The following UNK variants were observed in gnomAD, a reference collection of about 807,000 sequenced individuals.
UNK encodes RING finger protein unkempt homolog.
UNK carries 32 observed loss-of-function variants against 97.6 expected under a neutral mutation model. The ratio of observed to expected loss-of-function variants is 0.33; its 90% CI spans 0.25 to 0.44. The LOEUF is 0.44. Ranked by LOEUF, UNK falls within the 20% of genes least tolerant of loss-of-function variation. The probability of loss-of-function intolerance (pLI) is 1.00; values close to 1 mark genes in which losing one functional copy is unlikely to be tolerated. For synonymous variants in UNK, 441 were observed against 461.2 expected (o/e 0.96, Z 0.56); for missense variants, 771 against 1,098.4 (o/e 0.70, Z 4.21).
At chr17:75,798,096 G>A (rs767143022) in intron 1 of UNK, among the ~76,000 whole-genome samples, 49 of 143,136 alleles carry the variant, frequency 3.4e-4, no homozygotes, top group Non-Finnish European at 6.0e-4. Flanking sequence ...TTAAGACAGA[G>A]TCTTGCTCTT....
chr17:75,787,151 A>G (rs2061719859), intron 1 of UNK, among the ~76,000 whole-genome samples: 1 of 152,144 alleles, frequency 6.6e-6, no homozygotes. Context: ...TAGTCCTCCT[A>G]GGGCTGAGGT....
intron 13 of UNK, 120 bp downstream of exon 13, chr17:75,820,228 G>A: frequency 9.6e-7 from 1 of 1,037,520 alleles, no homozygotes; most frequent in Non-Finnish European, 1.4e-6. Context: ...CAGAGGCCTT[G>A]GGCGAGGAGG....
intron 1 of UNK, among the ~76,000 whole-genome samples, chr17:75,798,351 G>C (rs915191608): frequency 1.3e-5 from 2 of 152,034 alleles, no homozygotes; most frequent in Non-Finnish European, 2.9e-5. Context: ...TTACAGGCAA[G>C]AGCCACCACG....
At chr17:75,814,896 G>A (rs1453843355) in intron 6 of UNK, among the ~76,000 whole-genome samples, 7 of 152,182 alleles carry the variant, frequency 4.6e-5, no homozygotes, top group Non-Finnish European at 1.0e-4. Context: ...GGCCATGCCC[G>A]TGAGTGGAGA....
At chr17:75,793,603 A>G in intron 1 of UNK, 1 of 985,418 alleles carries the variant, frequency 1.0e-6, no homozygotes. Flanking sequence ...GGCCTGTGAC[A>G]GCCTGTGACA....
chr17:75,786,582 C>A (rs2061713299), intron 1 of UNK, among the ~76,000 whole-genome samples: 1 of 152,108 alleles, frequency 6.6e-6, no homozygotes, highest in Non-Finnish European at 1.5e-5. Flanking sequence ...TCCTGCCGGG[C>A]GTGGTAGCTC....
rs774135331 is a variant in UNK, at chr17:75,822,671, GT to G, written c.2019+14del. ...GCAGGCCAAGCAGGTACCAGGCCCC[GT>G]GCCTGCCGGCCTTCCCCAGTGCCAG... On this transcript the variant is annotated intron_variant, in intron 14 of 15. Coordinates refer to ENST00000589666, the MANE Select transcript of UNK (RefSeq NM_001080419.3). 6.3e-7 allele frequency: 1 copy of G among 1,582,474 alleles called. No homozygotes were observed. The highest frequency in any genetic ancestry group is 8.6e-7 in the Non-Finnish European group (1 of 1,161,620).
chr17:75,804,037 C>G (rs967982003), intron 1 of UNK, among the ~76,000 whole-genome samples: 1 of 152,226 alleles, frequency 6.6e-6, no homozygotes, highest in African/African-American at 2.4e-5. Flanking sequence ...TGTATACTTC[C>G]TGTGCTGGCA....
chr17:75,815,146 C>G (rs1473278525), intron 6 of UNK, 23 bp from the exon 7 acceptor site: 1 of 1,607,990 alleles, frequency 6.2e-7, no homozygotes, highest in Non-Finnish European at 8.5e-7. Flanking sequence ...CTGAGCCTGA[C>G]TTGCCTGTGC....
In UNK at chr17:75,817,789, C is replaced by T. The variant is rs932176058; in HGVS notation, c.1305+263C>T. On this transcript the variant is annotated intron_variant, in intron 9 of 15. Transcript: ENST00000589666. The surrounding 1 kb of genome is among the most constrained non-coding windows in gnomAD (Gnocchi z 5.8). ...CAGATCCCGCCTGGGTGCGGTCCTT[C>T]GGCTGCCCTGAACTGCCTTCATGGA... 3.3e-5 allele frequency among the ~76,000 whole-genome samples: 5 copies of T among 152,220 alleles called. No homozygotes were observed. The highest frequency in any genetic ancestry group is 3.4e-3 in the Middle Eastern group (1 of 294).
chr17:75,813,936 G>A, intron 6 of UNK, 58 bp downstream of exon 6: 1 of 1,460,478 alleles, frequency 6.8e-7, no homozygotes, highest in Non-Finnish European at 9.2e-7. Flanking sequence ...GAGGCAGGCA[G>A]GATCAGTGGA....
At chr17:75,804,268 A>G (rs2061889850) in intron 1 of UNK, among the ~76,000 whole-genome samples, 1 of 152,090 alleles carries the variant, frequency 6.6e-6, no homozygotes, top group South Asian at 2.1e-4. Flanking sequence ...AGCCTGGCCA[A>G]GATGGGGAAA....
At chr17:75,798,622 A>G (rs1052108194) in intron 1 of UNK, among the ~76,000 whole-genome samples, 2 of 152,058 alleles carry the variant, frequency 1.3e-5, no homozygotes, top group African/African-American at 4.8e-5. Context: ...CTGGGATTAC[A>G]GGCATGAGCC....
chr17:75,806,815 G>T (rs149039720), intron 1 of UNK, among the ~76,000 whole-genome samples: 1 of 152,298 alleles, frequency 6.6e-6, no homozygotes, highest in East Asian at 1.9e-4. Context: ...CGGGCTCTAG[G>T]AAGAGGGTTG....
In UNK at chr17:75,803,264, A is replaced by G. The variant is rs569083326; in HGVS notation, c.105-6496A>G. On this transcript the variant is annotated intron_variant, in intron 1 of 15. Transcript: ENST00000589666. ...AAAATACAAAAAAATTTAGCTGGGC[A>G]TTGTGGCAGGCACCTGTAGTCCCAG... 2.1e-3 allele frequency among the ~76,000 whole-genome samples: 305 copies of G among 144,508 alleles called. 1 individual carries two copies. The highest frequency in any genetic ancestry group is 3.6e-3 in the Non-Finnish European group (242 of 66,866). 94.8% of individuals were successfully genotyped at this position (144,508 alleles called of 152,430 possible).
chr17:75,815,280 A>G, intron 7 of UNK, 27 bp downstream of exon 7: 3 of 1,597,886 alleles, frequency 1.9e-6, no homozygotes, highest in Non-Finnish European at 2.6e-6. Flanking sequence ...GCCCCGGGGC[A>G]GTGCCCTCTC....
Position 75,817,589 on chromosome 17 carries a change from G to A in UNK, c.1305+63G>A, listed in dbSNP as rs2062029130. The A allele has an allele frequency of 5.4e-6, 8 of 1,489,496 alleles. No homozygotes were observed. In the South Asian group the frequency reaches 6.5e-5, roughly 12 times the overall value. 92.3% of individuals were successfully genotyped at this position (1,489,496 alleles called of 1,614,324 possible). On this transcript the variant is annotated intron_variant, in intron 9 of 15. Coordinates refer to ENST00000589666, the MANE Select transcript of UNK (RefSeq NM_001080419.3). The surrounding 1 kb of genome is among the most constrained non-coding windows in gnomAD (Gnocchi z 5.8). ...TCCTGCGTGGGGCAAGAGAATCTTGGAGGAGTGTCTTGGTCCAGCTACGGG... is the reference window on the plus strand; with the variant it reads ...TCCTGCGTGGGGCAAGAGAATCTTGAAGGAGTGTCTTGGTCCAGCTACGGG...
intron 1 of UNK, among the ~76,000 whole-genome samples, chr17:75,799,381 C>A (rs1049800182): frequency 6.6e-6 from 1 of 152,188 alleles, no homozygotes; most frequent in Non-Finnish European, 1.5e-5. Context: ...GCAACCGACT[C>A]TGTGTGTGAG....
intron 1 of UNK, 24 bp downstream of exon 1, chr17:75,785,008 GC>G: frequency 1.0e-6 from 1 of 980,634 alleles, no homozygotes; most frequent in Non-Finnish European, 1.2e-6. Context: ...CCCCCCCCCC[GC>G]CGCGCGCGCA....
Sources: allele counts gnomAD v4.1 joint callset (sites outside exome capture counted in the v4.1 genomes callset), GRCh38; gene constraint gnomAD v4.1.1; non-coding constraint Gnocchi (gnomAD v3.1); transcripts MANE v1.5; gene names NCBI Gene and HGNC (gene_info 2026-07-23, HGNC 2026-07-21).